The following VTI1A variants were observed in gnomAD, a reference collection of about 807,000 sequenced individuals.
VTI1A encodes the protein vesicle transport through interaction with t-SNAREs homolog 1A.
In VTI1A, 22 loss-of-function variants were observed where a neutral mutation model predicts 34.9. The ratio of observed to expected loss-of-function variants is 0.63; its 90% CI spans 0.45 to 0.90. The LOEUF is 0.90. VTI1A is among the 40% of genes least tolerant of loss of function. The probability of loss-of-function intolerance (pLI) is 0.00; values close to 1 mark genes in which losing one functional copy is unlikely to be tolerated. For synonymous variants in VTI1A, 87 were observed against 97.3 expected (o/e 0.89, Z 0.62); for missense variants, 268 against 275.6 (o/e 0.97, Z 0.20).
At chr10:112,649,955 G>A (rs1846947105) in intron 5 of VTI1A, among the ~76,000 whole-genome samples, 1 of 152,198 alleles carries the variant, frequency 6.6e-6, no homozygotes, top group African/African-American at 2.4e-5. Context: ...GAGTCAATGA[G>A]TGAGATTGTA....
intron 3 of VTI1A, among the ~76,000 whole-genome samples, chr10:112,491,825 T>C (rs1192577208): frequency 6.6e-6 from 1 of 152,190 alleles, no homozygotes; most frequent in African/African-American, 2.4e-5. Context: ...GGTGCTACAA[T>C]GCAACTATGC....
At chr10:112,454,299 T>G (rs1847349588) in intron 1 of VTI1A, among the ~76,000 whole-genome samples, 1 of 152,226 alleles carries the variant, frequency 6.6e-6, no homozygotes, top group Non-Finnish European at 1.5e-5. Context: ...AGAATTATAC[T>G]ATGCAAAGAC....
chr10:112,625,369 G>T (rs1354598503), intron 5 of VTI1A, among the ~76,000 whole-genome samples: 1 of 152,074 alleles, frequency 6.6e-6, no homozygotes, highest in Non-Finnish European at 1.5e-5. Context: ...CGGGCGCGGC[G>T]GCTTCACGCC....
At chr10:112,835,609 A>G in the VTI1A span, among the ~76,000 whole-genome samples, 1 of 152,162 alleles carries the variant, frequency 6.6e-6, no homozygotes, top group African/African-American at 2.4e-5. Flanking sequence ...AATGGGGAAC[A>G]TATTACCTTT....
intron 7 of VTI1A, among the ~76,000 whole-genome samples, chr10:112,736,107 G>GTATATATATATATATATATA (rs1468293852): frequency 7.9e-5 from 8 of 100,838 alleles, no homozygotes; most frequent in South Asian, 2.7e-4. Context: ...ATATATGTGT[G>GTATATATATATATATATATA]TGTGTATATA....
At chr10:112,787,698 C>CTTTTTTTTTTTT (rs34862909) in intron 7 of VTI1A, among the ~76,000 whole-genome samples, 205 of 103,226 alleles carry the variant, frequency 2.0e-3, no homozygotes, top group African/African-American at 2.5e-3. Flanking sequence ...TTTTTCTTTT[C>CTTTTTTTTTTTT]TTTTTTTTTT....
chr10:112,591,482 T>G (rs1191458937), intron 5 of VTI1A, among the ~76,000 whole-genome samples: 1 of 151,734 alleles, frequency 6.6e-6, no homozygotes. Context: ...ATCGCACCAC[T>G]GCACTCCAGC....
the VTI1A span, among the ~76,000 whole-genome samples, chr10:112,830,853 T>A: frequency 0.018 from 910 of 49,534 alleles, 5 homozygotes; most frequent in Non-Finnish European, 0.026. Flanking sequence ...ATATATATTT[T>A]TTTTTTTTTT....
At chr10:112,597,018 T>A (rs1844671965) in intron 5 of VTI1A, among the ~76,000 whole-genome samples, 1 of 152,332 alleles carries the variant, frequency 6.6e-6, no homozygotes, top group African/African-American at 2.4e-5. Flanking sequence ...TACCATAAGA[T>A]CAGAAGAAGC....
chr10:112,595,386 G>A (rs997895212), intron 5 of VTI1A, among the ~76,000 whole-genome samples: 213 of 150,866 alleles, frequency 1.4e-3, no homozygotes, highest in Non-Finnish European at 2.8e-3. Context: ...CCTACAAAAT[G>A]GGAGAAAATT....
chr10:112,644,104 AC>A (rs1846684398), intron 5 of VTI1A, among the ~76,000 whole-genome samples: 1 of 152,204 alleles, frequency 6.6e-6, no homozygotes, highest in Admixed American at 6.5e-5. Context: ...TATGTGCATC[AC>A]CCTCTCTGCA....
chr10:112,680,349 A>G (rs879869715), intron 7 of VTI1A, among the ~76,000 whole-genome samples: 4 of 152,162 alleles, frequency 2.6e-5, no homozygotes, highest in African/African-American at 7.2e-5. Flanking sequence ...TCATATTGTC[A>G]TTATTATCTT....
intron 5 of VTI1A, among the ~76,000 whole-genome samples, chr10:112,635,038 A>AC (rs1846295290): frequency 6.6e-6 from 1 of 152,174 alleles, no homozygotes; most frequent in Non-Finnish European, 1.5e-5. Context: ...TCTCCTACGG[A>AC]CATTTGCCGG....
At chr10:112,761,646 A>G (rs2134008583) in intron 7 of VTI1A, among the ~76,000 whole-genome samples, 1 of 152,306 alleles carries the variant, frequency 6.6e-6, no homozygotes, top group East Asian at 1.9e-4. Context: ...TTTTAATCCT[A>G]TAAGCTAGAA....
the VTI1A span, among the ~76,000 whole-genome samples, chr10:112,836,552 T>C: frequency 6.6e-6 from 1 of 152,184 alleles, no homozygotes; most frequent in Non-Finnish European, 1.5e-5. Context: ...TTCCCTCCGT[T>C]TTCTCTTGTA....
intron 7 of VTI1A, among the ~76,000 whole-genome samples, chr10:112,812,046 T>G (rs1853336610): frequency 6.6e-6 from 1 of 152,252 alleles, no homozygotes; most frequent in South Asian, 2.1e-4. Flanking sequence ...ATTCATAATG[T>G]AAACTTGGAG....
chr10:112,693,602 C>G (rs1437689881), intron 7 of VTI1A, among the ~76,000 whole-genome samples: 1 of 152,154 alleles, frequency 6.6e-6, no homozygotes, highest in Non-Finnish European at 1.5e-5. Context: ...ACACAAGGCT[C>G]AAGGCACCTT....
At chr10:112,483,777 CAG>C (rs10554766) in intron 3 of VTI1A, among the ~76,000 whole-genome samples, 118,626 of 150,908 alleles carry the variant, frequency 0.79, 47,305 homozygotes, top group Non-Finnish European at 0.84. Context: ...ATGGGGATTT[CAG>C]AGAGAGAGAG....
chr10:112,585,790 A>G (rs565369272), intron 5 of VTI1A, among the ~76,000 whole-genome samples: 1 of 151,888 alleles, frequency 6.6e-6, no homozygotes, highest in East Asian at 1.9e-4. Context: ...AAACTGTAAT[A>G]TAGCATTCTA....
Sources: allele counts gnomAD v4.1 joint callset (sites outside exome capture counted in the v4.1 genomes callset), GRCh38; gene constraint gnomAD v4.1.1; transcripts MANE v1.5; gene names NCBI Gene and HGNC (gene_info 2026-07-23, HGNC 2026-07-21).